FAM3C: variants seen among roughly 807,000 people sequenced by gnomAD.
FAM3C encodes the protein protein FAM3C.
A neutral mutation model predicts 32.5 loss-of-function variants in FAM3C; 15 were observed. The observed-to-expected ratio is 0.46, with a 90% CI of 0.31 to 0.71. FAM3C has a LOEUF of 0.71. FAM3C is among the 30% of genes least tolerant of loss of function. The probability of loss-of-function intolerance (pLI) is 0.05; values close to 1 mark genes in which losing one functional copy is unlikely to be tolerated. For missense variants in FAM3C, 175 were observed against 274.4 expected (o/e 0.64, Z 2.56); for synonymous variants, 75 against 86.1 (o/e 0.87, Z 0.72).
At chr7:121,386,449 G>C (rs1410404443) in intron 1 of FAM3C, among the ~76,000 whole-genome samples, 2 of 151,976 alleles carry the variant, frequency 1.3e-5, no homozygotes, top group Non-Finnish European at 2.9e-5. Context: ...TTCAGACTCA[G>C]ACCAGACTAT....
intron 1 of FAM3C, among the ~76,000 whole-genome samples, chr7:121,386,692 C>CATATATATAT (rs60030100): frequency 8.2e-5 from 12 of 147,184 alleles, no homozygotes; most frequent in African/African-American, 3.0e-4. Context: ...CACACGCACA[C>CATATATATAT]ATATATATAT....
chr7:121,390,330 T>C (rs1215393391), intron 1 of FAM3C, among the ~76,000 whole-genome samples: 3 of 152,238 alleles, frequency 2.0e-5, no homozygotes, highest in African/African-American at 7.2e-5. Flanking sequence ...GAAAAAGATC[T>C]GACCTAACCA....
At chr7:121,354,553 T>C (rs1239373158) in intron 8 of FAM3C, among the ~76,000 whole-genome samples, 1 of 152,110 alleles carries the variant, frequency 6.6e-6, no homozygotes, top group East Asian at 1.9e-4. Context: ...AGTCCTACAG[T>C]TGCACCATCA....
chr7:121,356,700 C>A (rs758970867), intron 8 of FAM3C, among the ~76,000 whole-genome samples: 5 of 152,130 alleles, frequency 3.3e-5, no homozygotes, highest in Non-Finnish European at 5.9e-5. Context: ...CTTCTTACTC[C>A]AAGACATTCA....
chr7:121,350,178 G>A lies in FAM3C; in HGVS notation c.*283C>T, dbSNP rs1253775372. 5 of 359,086 alleles carry A rather than the reference G, an allele frequency of 1.4e-5. No individual in the cohort carries two copies. The Admixed American group carries it at 1.8e-4, about 13-fold the overall frequency. 22.2% of individuals were successfully genotyped at this position (359,086 alleles called of 1,614,324 possible). On this transcript the variant is annotated 3_prime_UTR_variant, in exon 10 of 10. Coordinates refer to ENST00000359943, the MANE Select transcript of FAM3C (RefSeq NM_014888.3). ...CACAAACCATTCAGTTACACATTGT[G>A]TATGCTTTTAGAATTTAAAATATGT... is the stretch of plus-strand genomic sequence containing the variant.
At chr7:121,363,990 T>A in intron 6 of FAM3C, 140 bp downstream of exon 6, 1 of 587,606 alleles carries the variant, frequency 1.7e-6, no homozygotes, top group East Asian at 2.9e-5. Flanking sequence ...ACCCATAGAT[T>A]TTTTGCAGGG....
intron 1 of FAM3C, among the ~76,000 whole-genome samples, chr7:121,393,578 T>C (rs1476100754): frequency 3.3e-5 from 5 of 151,916 alleles, no homozygotes; most frequent in African/African-American, 1.2e-4. Context: ...AAGGGAAATA[T>C]AAGAATAGCT....
At chr7:121,360,323 A>G (rs1369603441) in intron 7 of FAM3C, among the ~76,000 whole-genome samples, 196 bp from the exon 8 acceptor site, 1 of 152,166 alleles carries the variant, frequency 6.6e-6, no homozygotes, top group Non-Finnish European at 1.5e-5. Context: ...CCCACTATCA[A>G]CTTACAATTT....
At chr7:121,353,060 T>A (rs1351170960) in intron 8 of FAM3C, among the ~76,000 whole-genome samples, 1 of 152,126 alleles carries the variant, frequency 6.6e-6, no homozygotes, top group Non-Finnish European at 1.5e-5. Context: ...CTCAAAAAAA[T>A]TATGAATTGA....
chr7:121,351,092 A>T (rs1297749488), intron 9 of FAM3C, 51 bp downstream of exon 9: 1 of 1,548,222 alleles, frequency 6.5e-7, no homozygotes, highest in East Asian at 2.3e-5. Flanking sequence ...AATGTACCGT[A>T]AGGTTTCACA....
intron 1 of FAM3C, 56 bp from the exon 2 acceptor site, chr7:121,383,066 T>C: frequency 1.1e-6 from 1 of 921,590 alleles, no homozygotes; most frequent in Non-Finnish European, 1.7e-6. Flanking sequence ...ACATTCCTCC[T>C]TAGATTGAGT....
intron 5 of FAM3C, among the ~76,000 whole-genome samples, chr7:121,370,571 A>G (rs1456806592): frequency 6.6e-6 from 1 of 152,176 alleles, no homozygotes; most frequent in Non-Finnish European, 1.5e-5. Flanking sequence ...AGGATTTGCA[A>G]TTTCAGCAGC....
chr7:121,351,570 A>C (rs1327720174), intron 8 of FAM3C: 3 of 259,160 alleles, frequency 1.2e-5, no homozygotes, highest in Non-Finnish European at 2.2e-5. Flanking sequence ...AATAAGGGAT[A>C]CCACAGTTAG....
intron 2 of FAM3C, among the ~76,000 whole-genome samples, chr7:121,380,733 T>A (rs1471219939): frequency 3.7e-5 from 5 of 133,982 alleles, no homozygotes; most frequent in South Asian, 2.3e-4. Context: ...TACAAACATT[T>A]TATATATATA....
Position 121,371,408 on chromosome 7 carries a change from C to A in FAM3C, c.164G>T (p.Arg55Ile). 1 of 1,613,852 alleles carries A rather than the reference C, an allele frequency of 6.2e-7. No individual in the cohort carries two copies. Among genetic ancestry groups the A allele is most frequent in the Admixed American group, 1.7e-5 (1 of 60,020 alleles). The stretch of plus-strand genomic sequence containing the variant: ...AGCTTTTGAGATCCCACACTTATAT[C>A]TGGGAGGCTTTGTAGCTTTGGGGGA... ...DTAARSTKPPRYKCGISKACP... is the reference protein window; with the variant it reads ...DTAARSTKPPIYKCGISKACP... The change falls in exon 5 of 10, where the codon AGA (arginine) becomes ATA (isoleucine). Residue 55 changes from arginine to isoleucine, a missense_variant. Arg to Ile is a moderately conservative substitution (Grantham distance 97). Transcript: ENST00000359943.
At chr7:121,383,157 T>A (rs1220651168) in intron 1 of FAM3C, 147 bp from the exon 2 acceptor site, 7 of 517,572 alleles carry the variant, frequency 1.4e-5, no homozygotes, top group Admixed American at 3.8e-5. Flanking sequence ...AAAAAAAAAA[T>A]GGGCCTGTCT....
intron 7 of FAM3C, among the ~76,000 whole-genome samples, chr7:121,360,883 G>T (rs1793906145): frequency 6.6e-6 from 1 of 151,942 alleles, no homozygotes; most frequent in Non-Finnish European, 1.5e-5. Context: ...GCATAACAAT[G>T]TTTGTATGGG....
rs1794598357 is a variant in FAM3C at position 121,392,518 on chromosome 7, CAATTTGAGATGA to C, written c.-42+3632_-42+3643del. On this transcript the variant is annotated intron_variant, in intron 1 of 9. Transcript: ENST00000359943. ...TCCCTCCCTCGACACACAGGGATTACAATTTGAGATGAGATTTGAGTGGGGACGCAGAACCAA... is the reference window on the plus strand; with the variant it reads ...TCCCTCCCTCGACACACAGGGATTACGATTTGAGTGGGGACGCAGAACCAA... Among the ~76,000 whole-genome samples the C allele has an allele frequency of 2.0e-5, 3 of 152,272 alleles. No homozygotes were observed. In the South Asian group the frequency reaches 6.2e-4, roughly 32 times the overall value.
At chr7:121,382,480 C>T (rs965448957) in intron 2 of FAM3C, among the ~76,000 whole-genome samples, 2 of 149,590 alleles carry the variant, frequency 1.3e-5, no homozygotes, top group South Asian at 2.1e-4. Flanking sequence ...TAGAACATAG[C>T]AAAAACAAAA....
Sources: gnomAD v4.1 joint callset for allele counts (sites outside exome capture counted in the v4.1 genomes callset) on GRCh38, gnomAD v4.1.1 for gene constraint, MANE v1.5 for transcripts, NCBI Gene and HGNC (gene_info 2026-07-23, HGNC 2026-07-21) for gene names.